Variants in SLC39A11 observed in about 807,000 individuals in gnomAD.
SLC39A11 encodes the protein zinc transporter ZIP11.
In SLC39A11, 33 loss-of-function variants were observed where a neutral mutation model predicts 36.1. The ratio of observed to expected loss-of-function variants is 0.91; its 90% confidence interval spans 0.69 to 1.22. The LOEUF (loss-of-function observed/expected upper bound fraction) is 1.22. Ranked by LOEUF, SLC39A11 falls within the 50% of genes most tolerant of loss-of-function variation. The pLI is 0.00. For missense variants in SLC39A11, 432 were observed against 430.3 expected, an observed-to-expected ratio of 1.00 and a Z score of -0.03; for synonymous variants, 166 against 170.3, an observed-to-expected ratio of 0.97 and a Z score of 0.20.
At chr17:72,655,416 C>T (rs2070063954) in intron 7 of SLC39A11, among the ~76,000 whole-genome samples, 1 of 152,240 alleles carries the variant, frequency 6.6e-6, no homozygotes, top group Admixed American at 6.5e-5. Context: ...ACATGCCAGT[C>T]ACAGGGAGCA....
chr17:72,737,489 C>T lies in SLC39A11; in HGVS notation c.602-770G>A, dbSNP rs572445030. 5.5e-4 allele frequency among the ~76,000 whole-genome samples: 84 copies of T among 152,234 alleles called. No individual in the cohort carries two copies. The East Asian group carries it at 7.3e-3, about 13-fold the overall frequency. On this transcript the variant is annotated intron_variant, in intron 6 of 9. Coordinates refer to ENST00000255559, the MANE Select transcript of SLC39A11 (RefSeq NM_139177.4). ...GAACTTTCATAACCCCTGGCCTAAA[C>T]ACACAGGGCTTTATTTATTAGCTCA...
At chr17:72,733,094 A>T (rs2074294979) in intron 7 of SLC39A11, among the ~76,000 whole-genome samples, 1 of 152,160 alleles carries the variant, frequency 6.6e-6, no homozygotes, top group Non-Finnish European at 1.5e-5. Context: ...CTGACATCCA[A>T]GGGCAAGGGC....
At chr17:72,961,801 T>C (rs2086632136) in intron 4 of SLC39A11, among the ~76,000 whole-genome samples, 1 of 152,132 alleles carries the variant, frequency 6.6e-6, no homozygotes, top group African/African-American at 2.4e-5. Context: ...GATGAGTTGA[T>C]GGGTGCAGCA....
At chr17:72,714,015 C>T (rs574868926) in intron 7 of SLC39A11, among the ~76,000 whole-genome samples, 14 of 152,152 alleles carry the variant, frequency 9.2e-5, no homozygotes, top group Non-Finnish European at 1.8e-4. Context: ...CCACAAAGGC[C>T]GTGCATAGAT....
intron 4 of SLC39A11, among the ~76,000 whole-genome samples, chr17:72,996,030 T>C (rs1240581238): frequency 2.0e-5 from 3 of 152,086 alleles, no homozygotes; most frequent in African/African-American, 4.8e-5. Context: ...GCCTAGCCTA[T>C]TGTAGTAGCT....
intron 5 of SLC39A11, among the ~76,000 whole-genome samples, chr17:72,887,531 C>T (rs1234905057): frequency 1.3e-5 from 2 of 152,202 alleles, no homozygotes; most frequent in Non-Finnish European, 2.9e-5. Flanking sequence ...CTGCACAGTT[C>T]TTATTGCTTT....
intron 7 of SLC39A11, among the ~76,000 whole-genome samples, chr17:72,676,395 C>T (rs1018389289): frequency 9.9e-5 from 15 of 152,126 alleles, no homozygotes; most frequent in African/African-American, 3.6e-4. Flanking sequence ...GTTCCAAGAG[C>T]AAATGGGATC....
chr17:72,801,119 C>T (rs2077070288), intron 6 of SLC39A11, among the ~76,000 whole-genome samples: 1 of 152,190 alleles, frequency 6.6e-6, no homozygotes, highest in Non-Finnish European at 1.5e-5. Flanking sequence ...TCTAGAGAAA[C>T]AGAAAGTAGA....
intron 6 of SLC39A11, among the ~76,000 whole-genome samples, chr17:72,781,125 T>C (rs1338753291): frequency 6.6e-6 from 1 of 152,232 alleles, no homozygotes; most frequent in Non-Finnish European, 1.5e-5. Context: ...TCACTTATTT[T>C]ACCATCACTA....
At chr17:72,658,062 G>T (rs905285568) in intron 7 of SLC39A11, among the ~76,000 whole-genome samples, 1 of 152,212 alleles carries the variant, frequency 6.6e-6, no homozygotes, top group Non-Finnish European at 1.5e-5. Context: ...TGCTTTCTTG[G>T]GTAGGGACAT....
intron 6 of SLC39A11, among the ~76,000 whole-genome samples, chr17:72,828,701 G>A (rs1173835987): frequency 1.3e-5 from 2 of 152,174 alleles, no homozygotes; most frequent in Non-Finnish European, 2.9e-5. Context: ...CGGGGAGGTG[G>A]ACACGCTGCA....
chr17:72,781,274 A>G (rs1048590928), intron 6 of SLC39A11, among the ~76,000 whole-genome samples: 1 of 152,156 alleles, frequency 6.6e-6, no homozygotes, highest in South Asian at 2.1e-4. Flanking sequence ...CATTCCTTGC[A>G]CGTCAAGAAA....
chr17:73,058,921 G>T (rs1165073352), intron 3 of SLC39A11, among the ~76,000 whole-genome samples: 2 of 151,930 alleles, frequency 1.3e-5, no homozygotes, highest in East Asian at 3.9e-4. Flanking sequence ...GCTTTCAATG[G>T]CTAGTTTTGT....
intron 3 of SLC39A11, among the ~76,000 whole-genome samples, chr17:73,070,958 A>C (rs1403967212): frequency 6.6e-6 from 1 of 151,956 alleles, no homozygotes; most frequent in East Asian, 1.9e-4. Flanking sequence ...GAACTAATAC[A>C]CCTAGGGAGC....
intron 5 of SLC39A11, among the ~76,000 whole-genome samples, chr17:72,855,099 G>A (rs1028419030): frequency 6.6e-6 from 1 of 152,184 alleles, no homozygotes; most frequent in Admixed American, 6.5e-5. Context: ...AACCATTTTG[G>A]ATCAGCAACC....
At chr17:72,939,457 C>T (rs1457091986) in intron 5 of SLC39A11, among the ~76,000 whole-genome samples, 2 of 11,024 alleles carry the variant, frequency 1.8e-4, no homozygotes, top group East Asian at 6.4e-3. Context: ...GGTTCCGTCT[C>T]GAAAAAAAAA....
intron 4 of SLC39A11, among the ~76,000 whole-genome samples, chr17:72,982,391 G>A (rs1448497625): frequency 6.6e-6 from 1 of 152,078 alleles, no homozygotes; most frequent in African/African-American, 2.4e-5. Flanking sequence ...GGTCCAAACT[G>A]GTCATTAATA....
At chr17:73,087,222 A>G (rs1163887899) in intron 2 of SLC39A11, among the ~76,000 whole-genome samples, 5 of 152,090 alleles carry the variant, frequency 3.3e-5, no homozygotes, top group Non-Finnish European at 5.9e-5. Flanking sequence ...CAGATAAACC[A>G]TGTTTCTGGA....
At chr17:72,907,643 T>A (rs941685359) in intron 5 of SLC39A11, among the ~76,000 whole-genome samples, 12 of 152,126 alleles carry the variant, frequency 7.9e-5, no homozygotes, top group Non-Finnish European at 1.5e-4. Context: ...CTCGCTTTCC[T>A]CCCCAGAAAC....
Sources: gnomAD v4.1 joint callset for allele counts (sites outside exome capture counted in the v4.1 genomes callset) on GRCh38, gnomAD v4.1.1 for gene constraint, MANE v1.5 for transcripts, NCBI Gene and HGNC (gene_info 2026-07-23, HGNC 2026-07-21) for gene names.